Variants in SIPA1L3 observed in about 807,000 individuals in gnomAD.
SIPA1L3 encodes signal induced proliferation associated 1 like 3, also known as signal-induced proliferation-associated 1-like protein 3.
In SIPA1L3, 59 loss-of-function variants were observed where a neutral mutation model predicts 150.1. That is an observed-to-expected ratio of 0.39 (90% CI 0.32 to 0.49). The LOEUF (loss-of-function observed/expected upper bound fraction) is 0.49. Among genes scored for constraint, SIPA1L3 ranks in the 20% least tolerant of loss-of-function variants. SIPA1L3 has a pLI of 0.86. For synonymous variants in SIPA1L3, 1,070 were observed against 1,077.6 expected, an observed-to-expected ratio of 0.99 and a Z score of 0.14; for missense variants, 2,211 against 2,489.5, an observed-to-expected ratio of 0.89 and a Z score of 2.38.
intron 2 of SIPA1L3, among the ~76,000 whole-genome samples, chr19:38,080,321 A>C: frequency 6.6e-6 from 1 of 152,342 alleles, no homozygotes; most frequent in East Asian, 1.9e-4. Context: ...CACAGGAAAT[A>C]CAGGGGGCAG....
In SIPA1L3 at chr19:38,180,943, A is replaced by G. The variant is rs554669489; in HGVS notation, c.4209-1576A>G. On this transcript the variant is annotated intron_variant, in intron 15 of 21. Coordinates refer to ENST00000222345, the MANE Select transcript of SIPA1L3 (RefSeq NM_015073.3). The stretch of plus-strand genomic sequence containing the variant: ...CTTGGATGTGTAAGGTTTTCATCAG[A>G]TTTAAGAAGTTTCCAACCATTATTT... Among the ~76,000 whole-genome samples, 12 of 152,226 alleles carry G rather than the reference A, an allele frequency of 7.9e-5. No homozygotes were observed. The South Asian group carries it at 2.5e-3, about 32-fold the overall frequency.
chr19:38,120,438 C>A (rs1333623825), intron 9 of SIPA1L3, among the ~76,000 whole-genome samples: 1 of 152,020 alleles, frequency 6.6e-6, no homozygotes, highest in Non-Finnish European at 1.5e-5. Flanking sequence ...CGCCACTGCA[C>A]TTCAGCCTGG....
intron 6 of SIPA1L3, among the ~76,000 whole-genome samples, chr19:38,105,933 A>C (rs1970613511): frequency 6.6e-6 from 1 of 152,128 alleles, no homozygotes; most frequent in Admixed American, 6.6e-5. Context: ...GGTATAAGAG[A>C]GATTGCTAAA....
intron 1 of SIPA1L3, among the ~76,000 whole-genome samples, chr19:37,992,574 C>G (rs1262199952): frequency 3.3e-5 from 5 of 151,746 alleles, no homozygotes; most frequent in Non-Finnish European, 1.5e-5. Flanking sequence ...TCACTTGAAC[C>G]TGGGAGGTGG....
intron 2 of SIPA1L3, among the ~76,000 whole-genome samples, chr19:38,044,304 T>C (rs1378953270): frequency 6.6e-6 from 1 of 151,826 alleles, no homozygotes; most frequent in East Asian, 1.9e-4. Flanking sequence ...ATACCTGAAG[T>C]TGAGAGAGGT....
At chr19:38,166,951 G>T (rs1309046145) in intron 15 of SIPA1L3, among the ~76,000 whole-genome samples, 3 of 151,520 alleles carry the variant, frequency 2.0e-5, no homozygotes, top group Non-Finnish European at 4.4e-5. Flanking sequence ...AAAAAAAAAG[G>T]TGGCTTTGAG....
intron 1 of SIPA1L3, among the ~76,000 whole-genome samples, chr19:38,005,102 C>T (rs986095094): frequency 6.6e-6 from 1 of 152,124 alleles, no homozygotes; most frequent in East Asian, 1.9e-4. Context: ...CCACCCACCC[C>T]CGGCCAATCA....
At chr19:38,008,491 A>T (rs148924360) in intron 1 of SIPA1L3, among the ~76,000 whole-genome samples, 2,269 of 151,986 alleles carry the variant, frequency 0.015, 30 homozygotes, top group Middle Eastern at 0.089. Context: ...AGCCTCCCAA[A>T]GTGCTGGGAT....
At chr19:37,911,429 C>T (rs2046376627) in intron 1 of SIPA1L3, among the ~76,000 whole-genome samples, 1 of 152,046 alleles carries the variant, frequency 6.6e-6, no homozygotes, top group African/African-American at 2.4e-5. Context: ...AACAGCTGTA[C>T]CCACATTCTT....
rs541824727 is a variant in SIPA1L3, at chr19:38,206,380, T to C, written c.*140T>C. 4.3e-4 allele frequency: 441 copies of C among 1,027,936 alleles called. 14 individuals carry two copies. In the South Asian group the frequency reaches 6.7e-3, roughly 16 times the overall value. 63.7% of individuals were successfully genotyped at this position (1,027,936 alleles called of 1,614,324 possible). A position where few individuals can be genotyped will look rare whatever the true frequency, so the allele number is the denominator to read the frequency against. ...CTCCCCATGGACACGGAAACTCCGATGGCCTCACTAGGGCTGTGAGTCAGG... is the reference window on the plus strand; with the variant it reads ...CTCCCCATGGACACGGAAACTCCGACGGCCTCACTAGGGCTGTGAGTCAGG... On this transcript the variant is annotated 3_prime_UTR_variant, in exon 22 of 22. Coordinates refer to ENST00000222345, the MANE Select transcript of SIPA1L3 (RefSeq NM_015073.3).
At chr19:38,025,515 G>C (rs769521611) in intron 1 of SIPA1L3, among the ~76,000 whole-genome samples, 11 of 152,184 alleles carry the variant, frequency 7.2e-5, no homozygotes, top group Non-Finnish European at 1.6e-4. Context: ...ACGGGCATCC[G>C]CAGCTCCCTC....
intron 1 of SIPA1L3, among the ~76,000 whole-genome samples, chr19:38,015,721 TA>T (rs59452393): frequency 0.26 from 26,530 of 101,870 alleles, 3,558 homozygotes; most frequent in African/African-American, 0.41. Flanking sequence ...AAGATCCTGT[TA>T]AAAAAAAAAA....
intron 1 of SIPA1L3, among the ~76,000 whole-genome samples, chr19:37,935,099 A>C (rs955751846): frequency 1.4e-4 from 22 of 152,186 alleles, no homozygotes; most frequent in African/African-American, 5.3e-4. Flanking sequence ...ACAGTAGTGC[A>C]ATGATGCCTC....
At chr19:38,157,354 A>G (rs771157363) in intron 13 of SIPA1L3, among the ~76,000 whole-genome samples, 4 of 152,202 alleles carry the variant, frequency 2.6e-5, no homozygotes, top group South Asian at 4.1e-4. Flanking sequence ...CAGGGTGGGC[A>G]CTGCGACTGC....
intron 1 of SIPA1L3, among the ~76,000 whole-genome samples, chr19:37,921,814 G>A (rs190343861): frequency 6.6e-6 from 1 of 152,014 alleles, no homozygotes; most frequent in Admixed American, 6.6e-5. Flanking sequence ...TGTTGTCGTG[G>A]CTGGTCTCGA....
chr19:38,125,185 G>A (rs1005378150), intron 9 of SIPA1L3, among the ~76,000 whole-genome samples: 15 of 152,124 alleles, frequency 9.9e-5, no homozygotes, highest in Non-Finnish European at 2.1e-4. Flanking sequence ...ACAGGCGCCC[G>A]CCACCATGCT....
chr19:38,005,467 G>T (rs78932029), intron 1 of SIPA1L3, among the ~76,000 whole-genome samples: 1 of 151,832 alleles, frequency 6.6e-6, no homozygotes, highest in Non-Finnish European at 1.5e-5. Context: ...TTCTCCCACC[G>T]TGCTGCCCAC....
intron 12 of SIPA1L3, among the ~76,000 whole-genome samples, chr19:38,145,249 TG>T (rs1329001785): frequency 6.6e-6 from 1 of 151,706 alleles, no homozygotes; most frequent in Admixed American, 6.6e-5. Flanking sequence ...AACATACAGG[TG>T]GCCGGGCACA....
At chr19:37,954,623 G>A (rs894340485) in intron 1 of SIPA1L3, among the ~76,000 whole-genome samples, 1 of 152,222 alleles carries the variant, frequency 6.6e-6, no homozygotes. Context: ...TTAAGTTTCC[G>A]TAAACCCCTA....
Sources: gnomAD v4.1 joint callset for allele counts (sites outside exome capture counted in the v4.1 genomes callset) on GRCh38, gnomAD v4.1.1 for gene constraint, MANE v1.5 for transcripts, NCBI Gene and HGNC (gene_info 2026-07-23, HGNC 2026-07-21) for gene names.